PLEC: variants seen among roughly 807,000 people sequenced by gnomAD.
PLEC encodes hemidesmosomal protein 1.
Under a neutral mutation model 392.8 loss-of-function variants are expected in PLEC, and 216 were observed. The observed-to-expected ratio is 0.55, with a 90% confidence interval of 0.49 to 0.62. The LOEUF (loss-of-function observed/expected upper bound fraction) is 0.62, where lower values mean the gene tolerates loss of function less well. Among genes scored for constraint, PLEC ranks in the 20% least tolerant of loss-of-function variants. The pLI, the probability that PLEC is intolerant of heterozygous loss-of-function variation, is 0.00. For synonymous variants in PLEC, 3,621 were observed against 2,980.6 expected, an observed-to-expected ratio of 1.21 and a Z score of -7.00; for missense variants, 6,863 against 6,563.4, an observed-to-expected ratio of 1.05 and a Z score of -1.58.
Position 143,919,856 on chromosome 8 carries a change from A to G in PLEC, c.9965T>C (p.Val3322Ala). Residue 3322 changes from valine (V) to alanine (A), a missense_variant, in exon 32 of 32, where the codon GTC becomes GCC. By Grantham distance (64) the Val-to-Ala change is moderately conservative (BLOSUM62 0). Coordinates refer to ENST00000345136, the MANE Select transcript of PLEC (RefSeq NM_201384.3). ...VPASELLASG[V>A]LSRAQFEQLK... is the part of the protein sequence containing the mutation. ...CTGCTCAAACTGGGCTCTGCTGAGG[A>G]CCCCGGAAGCCAGGAGCTCGCTGGC... 1.9e-6 allele frequency: 3 copies of G among 1,612,898 alleles called. No homozygotes were observed. The highest frequency in any genetic ancestry group is 2.5e-6 in the Non-Finnish European group (3 of 1,179,980).
rs782773458 is a variant in PLEC, at chr8:143,917,662, G to A, written c.12159C>T (p.Ile4053=). 1.7e-5 allele frequency: 28 copies of A among 1,613,498 alleles called. No homozygotes were observed. The highest frequency in any genetic ancestry group is 5.0e-5 in the Admixed American group (3 of 60,010). The change falls in exon 32 of 32, where the codon ATC becomes ATT. Residue 4053 remains isoleucine, a synonymous_variant. Transcript: ENST00000345136. Reference sequence around the variant, plus strand: ...GCAGCCGGTGGCTCTCCTCAGGGTCGATGATGCCGCCCGTGGCGATCTGGG... The same window carrying A: ...GCAGCCGGTGGCTCTCCTCAGGGTCAATGATGCCGCCCGTGGCGATCTGGG... ...LEAQIATGGI[I]DPEESHRLPV...
rs1554720037 is a variant in PLEC at position 143,934,040 on chromosome 8, C to T, written c.1221G>A (p.Leu407=). 24 of 1,611,260 alleles carry T rather than the reference C, an allele frequency of 1.5e-5. No individual in the cohort carries two copies. The East Asian group carries it at 5.4e-4, about 36-fold the overall frequency. The change falls in exon 12 of 32, where the codon CTG becomes CTA. Residue 407 remains leucine, a synonymous_variant. Coordinates refer to ENST00000345136, the MANE Select transcript of PLEC (RefSeq NM_201384.3). ...IVTKLQMEAG[L]CEEQLNQADA... is the part of the protein sequence containing the mutation. Reference sequence around the variant, plus strand: ...CGGCCTGGTTCAGCTGCTCCTCACACAGCCCCGCCTCCATCTGCAGCTTGG... The same window carrying T: ...CGGCCTGGTTCAGCTGCTCCTCACATAGCCCCGCCTCCATCTGCAGCTTGG...
Position 143,932,907 on chromosome 8 carries a change from G to C in PLEC, c.1623C>G (p.Gly541=). The C allele has an allele frequency of 6.2e-7, 1 of 1,612,534 alleles. No homozygotes were observed. Among genetic ancestry groups the C allele is most frequent in the Non-Finnish European group, 8.5e-7 (1 of 1,179,862 alleles). ...WVEENQHRVD[G]AEWGVDLPSV... is the part of the protein sequence containing the mutation. The stretch of plus-strand genomic sequence containing the variant: ...TGGGCAGGTCCACACCCCACTCAGC[G>C]CCATCCACACGGTGCTGGTTCTCCT... The change falls in exon 14 of 32, where the codon GGC becomes GGG. Residue 541 remains glycine, a synonymous_variant. Transcript: ENST00000345136.
chr8:143,964,379 G>A (rs538049349), intron 1 of PLEC, among the ~76,000 whole-genome samples: 2 of 152,240 alleles, frequency 1.3e-5, no homozygotes, highest in African/African-American at 2.4e-5. Context: ...TACCCAGTAG[G>A]GGGCCTAGAA....
In PLEC at chr8:143,924,302, T is replaced by C. The variant is rs1824086525; in HGVS notation, c.5627A>G (p.Gln1876Arg). The C allele has an allele frequency of 2.5e-6, 4 of 1,595,080 alleles. No homozygotes were observed. The highest frequency in any genetic ancestry group is 1.7e-6 in the Non-Finnish European group (2 of 1,178,052). ...GGCCTGCTCCTCCAGCCGCCGCCGCTGGAAGGCCTCGTCCTCCGCCAGCCG... is the reference window on the plus strand; with the variant it reads ...GGCCTGCTCCTCCAGCCGCCGCCGCCGGAAGGCCTCGTCCTCCGCCAGCCG... ...LRRLAEDEAF[Q>R]RRRLEEQAAQ... Residue 1876 changes from glutamine (Q) to arginine (R), a missense_variant, in exon 31 of 32, where the codon CAG becomes CGG. Gln to Arg is a conservative substitution (Grantham distance 43). Transcript: ENST00000345136.
intron 21 of PLEC, 32 bp from the exon 22 acceptor site, chr8:143,930,094 A>T: frequency 1.2e-6 from 2 of 1,604,438 alleles, no homozygotes; most frequent in Non-Finnish European, 1.7e-6. Flanking sequence ...CAGCGTCACC[A>T]GCGCCCCACC....
chr8:143,933,869 G>A, intron 12 of PLEC, 129 bp downstream of exon 12: 1 of 753,308 alleles, frequency 1.3e-6, no homozygotes, highest in Non-Finnish European at 2.2e-6. Flanking sequence ...CCCACCACAT[G>A]CCCCGCCCCT....
At position 143,924,160 on chromosome 8, in the gene PLEC, C is replaced by T. The variant is rs1412489464; in HGVS notation, c.5769G>A (p.Val1923=). The T allele has an allele frequency of 6.3e-7, 1 of 1,599,042 alleles. No homozygotes were observed. The highest frequency in any genetic ancestry group is 8.5e-7 in the Non-Finnish European group (1 of 1,179,532). The change falls in exon 31 of 32, where the codon GTG becomes GTA. Residue 1923 remains valine (V), a synonymous_variant. Transcript: ENST00000345136. ...CCTTCAGCGCCAGGATCTCCTCCTC[C>T]ACCTGCCGCCGCTGCCTCAGCGTGT... ...VEDTLRQRRQ[V]EEEILALKAS...
upstream of PLEC, chr8:143,954,032 G>A (rs987825533): frequency 4.8e-6 from 4 of 835,772 alleles, no homozygotes; most frequent in Admixed American, 1.2e-4. This position sits in a 1 kb window ranked among gnomAD's most constrained non-coding sequence, Gnocchi z 4.6. Flanking sequence ...AGACTGCCAG[G>A]TCACCAGGCC....
intron 1 of PLEC, among the ~76,000 whole-genome samples, chr8:143,948,956 C>T (rs1045342388): frequency 6.6e-6 from 1 of 152,212 alleles, no homozygotes; most frequent in Non-Finnish European, 1.5e-5. Context: ...TGCCTCCTGT[C>T]GGGAGACATG....
chr8:143,919,012 C>G lies in PLEC; in HGVS notation c.10809G>C (p.Gln3603His). 6.2e-7 allele frequency: 1 copy of G among 1,611,360 alleles called. No homozygotes were observed. Among genetic ancestry groups the G allele is most frequent in the Non-Finnish European group, 8.5e-7 (1 of 1,180,026 alleles). ...GGCCGGCCTGGAAGTCAGCCATCAG[C>G]TGGGCCCGCTGCTCCTCGGGGATCA... ...SDLIPEEQRA[Q>H]LMADFQAGRV... The change falls in exon 32 of 32, where the codon CAG becomes CAC. Residue 3603 changes from glutamine to histidine, a missense_variant. Coordinates refer to ENST00000345136, the MANE Select transcript of PLEC (RefSeq NM_201384.3).
At position 143,919,241 on chromosome 8, in the gene PLEC, A is replaced by T; in HGVS notation, c.10580T>A (p.Leu3527Gln). 1 of 1,613,926 alleles carries T rather than the reference A, an allele frequency of 6.2e-7. No homozygotes were observed. Among genetic ancestry groups the T allele is most frequent in the Non-Finnish European group, 8.5e-7 (1 of 1,180,028 alleles). The change falls in exon 32 of 32, where the codon CTG becomes CAG. Residue 3527 changes from leucine to glutamine, a missense_variant. By Grantham distance (113) the Leu-to-Gln change is moderately radical (BLOSUM62 -2). Coordinates refer to ENST00000345136, the MANE Select transcript of PLEC (RefSeq NM_201384.3). ...CTCGGGGTCCTCCACGCACCGCTCC[A>T]GCAGCTGCCTGTACGTGAGGTTCTC... Reference protein sequence around the residue: ...THENLTYRQLLERCVEDPETG... With the variant: ...THENLTYRQLQERCVEDPETG...
rs782273453 is a variant in PLEC at position 143,924,157 on chromosome 8, C to T, written c.5772G>A (p.Glu1924=). 7 of 1,599,036 alleles carry T rather than the reference C, an allele frequency of 4.4e-6. No homozygotes were observed. The East Asian group carries it at 1.6e-4, about 36-fold the overall frequency. The change falls in exon 31 of 32, where the codon GAG becomes GAA. Residue 1924 remains glutamate (E), a synonymous_variant. Coordinates refer to ENST00000345136, the MANE Select transcript of PLEC (RefSeq NM_201384.3). ...EDTLRQRRQV[E]EEILALKASF... ...TCGCCTTCAGCGCCAGGATCTCCTCCTCCACCTGCCGCCGCTGCCTCAGCG... is the reference window on the plus strand; with the variant it reads ...TCGCCTTCAGCGCCAGGATCTCCTCTTCCACCTGCCGCCGCTGCCTCAGCG...
At chr8:143,939,638 AGGCC>A, upstream of PLEC, 1 of 1,423,146 alleles carries the variant, frequency 7.0e-7, no homozygotes. Context: ...CTCCCCGGCG[AGGCC>A]GGCCCGCCCC....
At chr8:143,944,091 TCCGG>T, upstream of PLEC, 1 of 712,688 alleles carries the variant, frequency 1.4e-6, no homozygotes, top group Non-Finnish European at 2.2e-6. Context: ...CCTCCGCGGG[TCCGG>T]CCCTCGGCGC....
chr8:143,929,833 G>A lies in PLEC; in HGVS notation c.2740-4C>T. 1 of 1,599,648 alleles carries A rather than the reference G, an allele frequency of 6.3e-7. No homozygotes were observed. Among genetic ancestry groups the A allele is most frequent in the Non-Finnish European group, 8.5e-7 (1 of 1,178,686 alleles). ...CCTCTGGCTTCAGGGTGCGGAACTG[G>A]GGGAAGCACGTGGGGCTGAGTGCCG... On this transcript the variant is annotated splice_region_variant and splice_polypyrimidine_tract_variant and intron_variant, in intron 22 of 31. Coordinates refer to ENST00000345136, the MANE Select transcript of PLEC (RefSeq NM_201384.3).
At position 143,938,574 on chromosome 8, in the gene PLEC, C is replaced by G. The variant is rs1448842823; in HGVS notation, c.174+57G>C. On this transcript the variant is annotated intron_variant, in intron 2 of 31. Transcript: ENST00000345136. ...GCCTTGGGCGGCAGGGGCCACCCTC[C>G]CTCAGCGCCTCCCACAGCCTCAGCC... The G allele has an allele frequency of 5.1e-6, 8 of 1,582,508 alleles. No homozygotes were observed. In the African/African-American group the frequency reaches 1.1e-4, roughly 21 times the overall value.
At chr8:143,943,976 G>C, upstream of PLEC, 1 of 1,544,294 alleles carries the variant, frequency 6.5e-7, no homozygotes, top group Non-Finnish European at 8.7e-7. Flanking sequence ...CTGCGTGCAG[G>C]GCGAGCGAGG....
Position 143,916,202 on chromosome 8 carries a change from C to CCCAGGGAGG in PLEC, c.13610_13618dup (p.Ala4537_Leu4539dup), listed in dbSNP as rs1820453269. The CCCAGGGAGG allele has an allele frequency of 6.5e-7, 1 of 1,543,842 alleles. No individual in the cohort carries two copies. Among genetic ancestry groups the CCCAGGGAGG allele is most frequent in the Non-Finnish European group, 8.7e-7 (1 of 1,144,688 alleles). On this transcript the variant is annotated inframe_insertion, in exon 32 of 32. Transcript: ENST00000345136. Reference sequence around the variant, plus strand: ...TCAGGCCACGGCAGACTCAGGGCCCCCCAGGGAGGCCGAGGACCCCGAGGC... The same window carrying CCCAGGGAGG: ...TCAGGCCACGGCAGACTCAGGGCCCCCCAGGGAGGCCAGGGAGGCCGAGGACCCCGAGGC...
Sources: gnomAD v4.1 joint callset for allele counts (sites outside exome capture counted in the v4.1 genomes callset) on GRCh38, gnomAD v4.1.1 for gene constraint, Gnocchi (gnomAD v3.1) non-coding constraint, MANE v1.5 for transcripts, NCBI Gene and HGNC (gene_info 2026-07-23, HGNC 2026-07-21) for gene names.